The following CDH13 variants were observed in gnomAD, a reference collection of about 807,000 sequenced individuals.
CDH13 encodes the protein cadherin 13.
In CDH13, 24 loss-of-function variants were observed where a neutral mutation model predicts 63.8. That is an observed-to-expected ratio of 0.38 (90% CI 0.27 to 0.53). The LOEUF is 0.53. Ranked by LOEUF, CDH13 falls within the 20% of genes least tolerant of loss-of-function variation. The pLI is 0.85. For synonymous variants in CDH13, 503 were observed against 355.3 expected (o/e 1.42, Z -4.67); for missense variants, 1,049 against 903.1 (o/e 1.16, Z -2.07).
At position 82,998,902 on chromosome 16, in the gene CDH13, T is replaced by G. The variant is rs192763805; in HGVS notation, c.158-33108T>G. Among the ~76,000 whole-genome samples, 69 of 150,778 alleles carry G rather than the reference T, an allele frequency of 4.6e-4. 1 individual carries two copies. Among genetic ancestry groups the G allele is most frequent in the African/African-American group, 1.5e-3 (62 of 40,832 alleles). On this transcript the variant is annotated intron_variant, in intron 2 of 13. Transcript: ENST00000567109. ...TTTGCAGATACTGCCCCTTCTCATT[T>G]TTAACTTTCACCAACACTTTTCTTG... is the stretch of plus-strand genomic sequence containing the variant.
chr16:83,011,781 C>T (rs1002244758), intron 2 of CDH13, among the ~76,000 whole-genome samples: 1 of 152,280 alleles, frequency 6.6e-6, no homozygotes, highest in East Asian at 1.9e-4. Flanking sequence ...TTTACTCTCC[C>T]AAACTTCTAC....
chr16:83,069,083 G>A (rs895143947), intron 3 of CDH13, among the ~76,000 whole-genome samples: 4 of 152,152 alleles, frequency 2.6e-5, no homozygotes, highest in African/African-American at 9.7e-5. Flanking sequence ...CCAAAGGCAT[G>A]TCTTTCACTT....
chr16:82,991,749 T>C (rs576361225), intron 2 of CDH13, among the ~76,000 whole-genome samples: 22 of 152,166 alleles, frequency 1.4e-4, no homozygotes, highest in Non-Finnish European at 4.4e-5. Context: ...ATAAAAACGA[T>C]TGTGTCTATA....
chr16:82,829,150 G>T (rs919525533), intron 1 of CDH13: 1 of 152,242 alleles, frequency 6.6e-6, no homozygotes, highest in Non-Finnish European at 1.5e-5. Context: ...GTCATTCTGG[G>T]TTGGCAATAT....
At chr16:82,913,121 AT>A (rs980284412) in intron 2 of CDH13, among the ~76,000 whole-genome samples, 6 of 152,040 alleles carry the variant, frequency 3.9e-5, no homozygotes, top group East Asian at 1.9e-4. Flanking sequence ...GTTTAAGTAA[AT>A]TTTTTTCTTA....
intron 1 of CDH13, among the ~76,000 whole-genome samples, chr16:82,685,215 A>T (rs1334759656): frequency 1.3e-5 from 2 of 152,198 alleles, no homozygotes; most frequent in Non-Finnish European, 2.9e-5. Flanking sequence ...AAAAACAATG[A>T]ATGCTCATTT....
chr16:82,773,592 C>T (rs1336087695), intron 1 of CDH13: 1 of 152,190 alleles, frequency 6.6e-6, no homozygotes, highest in Non-Finnish European at 1.5e-5. Flanking sequence ...CTAGAGCTAC[C>T]TTTCAAGTGT....
chr16:83,397,716 A>G (rs1438966509), intron 6 of CDH13, among the ~76,000 whole-genome samples: 1 of 152,184 alleles, frequency 6.6e-6, no homozygotes, highest in Non-Finnish European at 1.5e-5. Context: ...GTAAAGATGG[A>G]GTTGTTTATC....
intron 2 of CDH13, among the ~76,000 whole-genome samples, chr16:82,866,528 A>C (rs2040151484): frequency 6.6e-6 from 1 of 151,466 alleles, no homozygotes; most frequent in Non-Finnish European, 1.5e-5. Context: ...AGCTGGGACT[A>C]CAGGCATGAG....
At chr16:83,375,796 C>T (rs950678244) in intron 6 of CDH13, among the ~76,000 whole-genome samples, 2 of 151,918 alleles carry the variant, frequency 1.3e-5, no homozygotes, top group African/African-American at 2.4e-5. Flanking sequence ...TATACAAAGA[C>T]CTGAAAGAGT....
intron 5 of CDH13, among the ~76,000 whole-genome samples, chr16:83,218,443 C>T (rs1331892668): frequency 1.3e-5 from 2 of 150,536 alleles, no homozygotes; most frequent in East Asian, 3.9e-4. Context: ...AAACGTGAGC[C>T]ATGAGTCCCA....
Position 83,045,630 on chromosome 16 carries a change from C to T in CDH13, c.366+13412C>T, listed in dbSNP as rs1208428936. On this transcript the variant is annotated intron_variant, in intron 3 of 13. Transcript: ENST00000567109. Reference sequence around the variant, plus strand: ...GTAGTCTGGGCGACAGATCAAGATTCCTTTAAAAAAAAAAAAAAAAAAAAA... The same window carrying T: ...GTAGTCTGGGCGACAGATCAAGATTTCTTTAAAAAAAAAAAAAAAAAAAAA... Among the ~76,000 whole-genome samples, 37 of 96,942 alleles carry T rather than the reference C, an allele frequency of 3.8e-4. 1 individual carries two copies. The highest frequency in any genetic ancestry group is 1.2e-4 in the Non-Finnish European group (6 of 51,964). The allele number at this position is 96,942 out of a possible 152,430, so 63.6% of individuals were successfully genotyped here.
rs144890569 is a variant in CDH13 at position 82,905,340 on chromosome 16, A to G, written c.157+46867A>G. Among the ~76,000 whole-genome samples the G allele has an allele frequency of 2.4e-3, 366 of 152,302 alleles. 2 individuals carry two copies. The highest frequency in any genetic ancestry group is 7.8e-3 in the African/African-American group (324 of 41,568). On this transcript the variant is annotated intron_variant, in intron 2 of 13. Coordinates refer to ENST00000567109, the MANE Select transcript of CDH13 (RefSeq NM_001257.5). Reference sequence around the variant, plus strand: ...ATATTTATGAGTAAAACATATATGAACTAATTATATATCTGATAGTCGTTT... The same window carrying G: ...ATATTTATGAGTAAAACATATATGAGCTAATTATATATCTGATAGTCGTTT...
At chr16:83,601,566 G>T (rs1345238308) in intron 7 of CDH13, among the ~76,000 whole-genome samples, 1 of 152,190 alleles carries the variant, frequency 6.6e-6, no homozygotes, top group Non-Finnish European at 1.5e-5. Flanking sequence ...CTTCAGTGGG[G>T]TTTCTTCCCC....
chr16:83,506,228 G>A (rs993855302), intron 7 of CDH13, among the ~76,000 whole-genome samples: 1 of 152,194 alleles, frequency 6.6e-6, no homozygotes, highest in Non-Finnish European at 1.5e-5. Context: ...AGAGTGAAGA[G>A]TATAGACAAG....
intron 1 of CDH13, among the ~76,000 whole-genome samples, chr16:82,628,896 C>T (rs1355901425): frequency 1.3e-5 from 2 of 152,224 alleles, no homozygotes; most frequent in African/African-American, 4.8e-5. Flanking sequence ...TCCAAGTTCT[C>T]CATTGTAAAA....
At chr16:83,448,833 C>G (rs1326905509) in intron 6 of CDH13, among the ~76,000 whole-genome samples, 1 of 152,110 alleles carries the variant, frequency 6.6e-6, no homozygotes, top group Non-Finnish European at 1.5e-5. Flanking sequence ...ACCTCTGAGA[C>G]AGCAAAGACT....
Position 82,927,602 on chromosome 16 carries a change from G to A in CDH13, c.157+69129G>A, listed in dbSNP as rs536574464. The stretch of plus-strand genomic sequence containing the variant: ...AACTCCAGCTTACATTTTACTTTTC[G>A]GCCTAGAAACTGTTCCTCAAGAACT... On this transcript the variant is annotated intron_variant, in intron 2 of 13. Transcript: ENST00000567109. Among the ~76,000 whole-genome samples, 12 of 151,536 alleles carry A rather than the reference G, an allele frequency of 7.9e-5. No homozygotes were observed. The South Asian group carries it at 8.4e-4, about 11-fold the overall frequency.
intron 7 of CDH13, among the ~76,000 whole-genome samples, chr16:83,534,695 GGCCACATTTTGTTT>G (rs2075150112): frequency 6.6e-6 from 1 of 152,214 alleles, no homozygotes; most frequent in Admixed American, 6.5e-5. Context: ...TGTATGGATA[GGCCACATTTTGTTT>G]GCCTATCCTT....
Sources: gnomAD v4.1 joint callset for allele counts (sites outside exome capture counted in the v4.1 genomes callset) on GRCh38, gnomAD v4.1.1 for gene constraint, MANE v1.5 for transcripts, NCBI Gene and HGNC (gene_info 2026-07-23, HGNC 2026-07-21) for gene names.